Variants in SLIT2 observed in about 807,000 individuals in gnomAD.
The protein encoded by SLIT2 is slit guidance ligand 2.
SLIT2 carries 41 observed loss-of-function variants against 185.7 expected under a neutral mutation model. That is an observed-to-expected ratio of 0.22 (90% CI 0.17 to 0.29). The LOEUF (loss-of-function observed/expected upper bound fraction) is 0.29. SLIT2 is among the 10% of genes least tolerant of loss of function. The pLI is 1.00. For missense variants in SLIT2, 1,571 were observed against 1,909.0 expected (o/e 0.82, Z 3.30); for synonymous variants, 693 against 680.2 (o/e 1.02, Z -0.29).
intron 4 of SLIT2, among the ~76,000 whole-genome samples, chr4:20,342,695 C>T (rs1721053203): frequency 7.6e-6 from 1 of 130,820 alleles, no homozygotes; most frequent in African/African-American, 2.9e-5. Flanking sequence ...TGATTTGATT[C>T]TGCCATTCAT....
Position 20,510,513 on chromosome 4 carries a change from A to C in SLIT2, c.933A>C (p.Thr311=), listed in dbSNP as rs772700192. ...ATTGCAGACGTTTGGAACAGAACAC[A>C]ATCAAAGTCATCCCTCCTGGAGCTT... is the stretch of plus-strand genomic sequence containing the variant. ...TITEIRLEQN[T]IKVIPPGAFS... The change falls in exon 10 of 37, where the codon ACA becomes ACC. Residue 311 remains threonine, a synonymous_variant. Coordinates refer to ENST00000504154, the MANE Select transcript of SLIT2 (RefSeq NM_004787.4). The C allele has an allele frequency of 1.4e-5, 23 of 1,611,456 alleles. No individual in the cohort carries two copies. Among genetic ancestry groups the C allele is most frequent in the Non-Finnish European group, 2.0e-5 (23 of 1,178,064 alleles).
chr4:20,505,179 T>G (rs1261642062), intron 9 of SLIT2, among the ~76,000 whole-genome samples: 1 of 152,128 alleles, frequency 6.6e-6, no homozygotes, highest in African/African-American at 2.4e-5. Context: ...CATGTAATTT[T>G]TAGAAAACAT....
chr4:20,381,406 G>T (rs1724502497), intron 4 of SLIT2, among the ~76,000 whole-genome samples: 1 of 152,138 alleles, frequency 6.6e-6, no homozygotes, highest in Non-Finnish European at 1.5e-5. Flanking sequence ...TAAGACAATG[G>T]AGTGACTATT....
chr4:20,461,107 A>C (rs1713658290), intron 4 of SLIT2, among the ~76,000 whole-genome samples: 1 of 152,228 alleles, frequency 6.6e-6, no homozygotes, highest in South Asian at 2.1e-4. Context: ...TGGAGATTTT[A>C]GCACTAGGCT....
At chr4:20,587,599 G>A (rs1162705170) in intron 29 of SLIT2, among the ~76,000 whole-genome samples, 4 of 152,200 alleles carry the variant, frequency 2.6e-5, no homozygotes, top group African/African-American at 9.6e-5. Flanking sequence ...AGTCTGTGGA[G>A]TAATTCCTTT....
intron 9 of SLIT2, among the ~76,000 whole-genome samples, chr4:20,499,967 A>G (rs1022893891): frequency 5.9e-5 from 9 of 152,220 alleles, no homozygotes; most frequent in African/African-American, 2.2e-4. Flanking sequence ...CTATGCAAGT[A>G]GTTTATTTTA....
intron 4 of SLIT2, among the ~76,000 whole-genome samples, chr4:20,374,886 T>C (rs1031965690): frequency 6.6e-6 from 1 of 152,100 alleles, no homozygotes; most frequent in Admixed American, 6.6e-5. Context: ...TTCTGATAAC[T>C]CTAAAAACCA....
intron 20 of SLIT2, among the ~76,000 whole-genome samples, chr4:20,542,251 T>C (rs1722860042): frequency 1.3e-5 from 2 of 152,202 alleles, no homozygotes; most frequent in African/African-American, 4.8e-5. Context: ...TTCCATTGTA[T>C]TGGTAATTGT....
At chr4:20,588,215 C>T (rs1338712815) in intron 29 of SLIT2, among the ~76,000 whole-genome samples, 1 of 152,156 alleles carries the variant, frequency 6.6e-6, no homozygotes, top group Non-Finnish European at 1.5e-5. Flanking sequence ...ATATATGAGA[C>T]TTACTGTGCA....
rs1025230795 is a variant in SLIT2 at position 20,488,798 on chromosome 4, A to G, written c.612-21A>G. 3 of 1,553,336 alleles carry G rather than the reference A, an allele frequency of 1.9e-6. No individual in the cohort carries two copies. In the African/African-American group the frequency reaches 4.1e-5, roughly 21 times the overall value. ...ACGACTTTCTGTTTTCTTGCTTTAC[A>G]CTTCTTTTTTTCTCATTTAGTCGAC... On this transcript the variant is annotated intron_variant, in intron 7 of 36. Transcript: ENST00000504154.
chr4:20,459,127 T>C lies in SLIT2; in HGVS notation c.396-8625T>C, dbSNP rs1713410492. 2.0e-5 allele frequency among the ~76,000 whole-genome samples: 3 copies of C among 150,372 alleles called. No homozygotes were observed. The South Asian group carries it at 6.3e-4, about 32-fold the overall frequency. ...ACTAGAAGTTCCTGAGGGTTTCCAG[T>C]GGGAGAAAAAAAAAAACAGTTTTGG... On this transcript the variant is annotated intron_variant, in intron 4 of 36. Transcript: ENST00000504154.
intron 4 of SLIT2, among the ~76,000 whole-genome samples, chr4:20,395,393 A>G (rs538863488): frequency 1.3e-5 from 2 of 152,108 alleles, no homozygotes; most frequent in Admixed American, 6.6e-5. Context: ...GAAGGTTCAA[A>G]TGCATAGGCA....
chr4:20,398,525 AT>A (rs747612705), intron 4 of SLIT2, among the ~76,000 whole-genome samples: 127 of 151,870 alleles, frequency 8.4e-4, no homozygotes, highest in Non-Finnish European at 1.5e-3. Context: ...TATGGCCAGA[AT>A]TTTGGAGGAT....
chr4:20,494,075 A>T (rs1022620042), intron 9 of SLIT2, among the ~76,000 whole-genome samples: 1 of 152,226 alleles, frequency 6.6e-6, no homozygotes, highest in African/African-American at 2.4e-5. Flanking sequence ...GCATTTGAGC[A>T]TAGGAGTTTT....
rs866436780 is a variant in SLIT2 at position 20,388,788 on chromosome 4, A to T, written c.396-78964A>T. Reference sequence around the variant, plus strand: ...GACTCCGTCTCAGGGGAAAAAAAAAAAAAAATATATATATATATAACATAT... The same window carrying T: ...GACTCCGTCTCAGGGGAAAAAAAAATAAAAATATATATATATATAACATAT... On this transcript the variant is annotated intron_variant, in intron 4 of 36. Transcript: ENST00000504154. 7.0e-3 allele frequency among the ~76,000 whole-genome samples: 724 copies of T among 103,494 alleles called. 4 individuals are homozygous for T. The highest frequency in any genetic ancestry group is 9.0e-3 in the Non-Finnish European group (389 of 43,118). The allele number at this position is 103,494 out of a possible 152,430, so 67.9% of individuals were successfully genotyped here. A position where few individuals can be genotyped will look rare whatever the true frequency, so the allele number is the denominator to read the frequency against.
intron 18 of SLIT2, among the ~76,000 whole-genome samples, chr4:20,537,037 A>G (rs575880012): frequency 3.9e-5 from 6 of 152,304 alleles, no homozygotes; most frequent in African/African-American, 1.4e-4. Context: ...TAGGATAGCA[A>G]TACCTTCTTC....
chr4:20,546,636 A>G (rs1577901544), intron 22 of SLIT2, among the ~76,000 whole-genome samples: 2 of 152,238 alleles, frequency 1.3e-5, no homozygotes, highest in East Asian at 1.9e-4. Flanking sequence ...AGATACTAAC[A>G]TTTTGAGTAT....
chr4:20,416,890 C>T (rs897236840), intron 4 of SLIT2, among the ~76,000 whole-genome samples: 1 of 152,014 alleles, frequency 6.6e-6, no homozygotes, highest in Admixed American at 6.5e-5. Flanking sequence ...TTAAGTGTAT[C>T]TGACTTGCCT....
chr4:20,374,114 C>T (rs1424329629), intron 4 of SLIT2, among the ~76,000 whole-genome samples: 1 of 152,030 alleles, frequency 6.6e-6, no homozygotes, highest in Non-Finnish European at 1.5e-5. Context: ...TCATTTTCCC[C>T]ATTTGTGTGA....
Sources: allele counts gnomAD v4.1 joint callset (sites outside exome capture counted in the v4.1 genomes callset), GRCh38; gene constraint gnomAD v4.1.1; transcripts MANE v1.5; gene names NCBI Gene and HGNC (gene_info 2026-07-23, HGNC 2026-07-21).